Variants in CHSY3 observed in about 807,000 individuals in gnomAD.
CHSY3 encodes the protein chondroitin sulfate synthase 3.
Under a neutral mutation model 67.2 loss-of-function variants are expected in CHSY3, and 35 were observed. The ratio of observed to expected loss-of-function variants is 0.52; its 90% CI spans 0.40 to 0.69. The LOEUF (loss-of-function observed/expected upper bound fraction) is 0.69. Ranked by LOEUF, CHSY3 falls within the 30% of genes least tolerant of loss-of-function variation. The pLI is 0.00. For synonymous variants in CHSY3, 474 were observed against 434.7 expected (o/e 1.09, Z -1.12); for missense variants, 1,069 against 1,138.5 (o/e 0.94, Z 0.88).
Position 129,906,884 on chromosome 5 carries a change from T to G in CHSY3, c.803-1193T>G, listed in dbSNP as rs376539255. 8.4e-4 allele frequency among the ~76,000 whole-genome samples: 94 copies of G among 111,520 alleles called. 2 individuals are homozygous for G. The East Asian group carries it at 0.02, about 23-fold the overall frequency. The allele number at this position is 111,520 out of a possible 152,430, so 73.2% of individuals were successfully genotyped here. ...ACAATAAACCCAAACTGTTGCATTT[T>G]GGCACAAGGAATTAGTGTAATCATA... On this transcript the variant is annotated intron_variant, in intron 1 of 2. Coordinates refer to ENST00000305031, the MANE Select transcript of CHSY3 (RefSeq NM_175856.5).
intron 2 of CHSY3, among the ~76,000 whole-genome samples, chr5:130,002,639 T>C (rs1262151592): frequency 6.6e-6 from 1 of 152,168 alleles, no homozygotes; most frequent in Admixed American, 6.5e-5. Flanking sequence ...TAAAGAGACA[T>C]AGAAGCTAGA....
chr5:130,105,172 C>T (rs1767375536), intron 2 of CHSY3, among the ~76,000 whole-genome samples: 1 of 151,618 alleles, frequency 6.6e-6, no homozygotes, highest in Admixed American at 6.6e-5. Context: ...CAATACAGCC[C>T]TGTGCACATC....
intron 2 of CHSY3, among the ~76,000 whole-genome samples, chr5:129,971,787 A>G (rs1265171116): frequency 6.6e-6 from 1 of 151,998 alleles, no homozygotes; most frequent in East Asian, 1.9e-4. Flanking sequence ...CCAATCAGCA[A>G]GCATTTATAG....
chr5:129,960,714 A>G (rs1249550902), intron 2 of CHSY3, among the ~76,000 whole-genome samples: 1 of 152,034 alleles, frequency 6.6e-6, no homozygotes, highest in Non-Finnish European at 1.5e-5. Context: ...TTTATGTATG[A>G]AATATTTTTT....
chr5:130,001,453 C>A, intron 2 of CHSY3: 1 of 889,536 alleles, frequency 1.1e-6, no homozygotes, highest in Non-Finnish European at 1.3e-6. Flanking sequence ...ACCATGGACA[C>A]AGTAGGCTTT....
At chr5:130,143,740 A>G (rs911760701) in intron 2 of CHSY3, among the ~76,000 whole-genome samples, 2 of 118,356 alleles carry the variant, frequency 1.7e-5, no homozygotes, top group Non-Finnish European at 1.6e-5. Flanking sequence ...GTGTGTATAT[A>G]TATATATATA....
At chr5:129,954,131 T>G (rs917732891) in intron 2 of CHSY3, among the ~76,000 whole-genome samples, 4 of 152,196 alleles carry the variant, frequency 2.6e-5, no homozygotes, top group Non-Finnish European at 4.4e-5. Flanking sequence ...TTTAAGTCTT[T>G]AATCCATCTT....
chr5:130,000,608 T>C (rs561023225), intron 2 of CHSY3, among the ~76,000 whole-genome samples: 1 of 148,866 alleles, frequency 6.7e-6, no homozygotes, highest in African/African-American at 2.5e-5. Context: ...TTTTTTTTTC[T>C]GTCACCCAGG....
At chr5:130,060,897 G>A (rs1468567391) in intron 2 of CHSY3, among the ~76,000 whole-genome samples, 3 of 151,800 alleles carry the variant, frequency 2.0e-5, no homozygotes, top group African/African-American at 7.3e-5. Flanking sequence ...AACAAACACT[G>A]ATGAAAGAAA....
chr5:129,924,676 T>A (rs2149585233), intron 2 of CHSY3, among the ~76,000 whole-genome samples: 1 of 151,972 alleles, frequency 6.6e-6, no homozygotes, highest in South Asian at 2.1e-4. Flanking sequence ...ATTAACTTTC[T>A]GTAGTTATTC....
At chr5:130,178,695 G>A (rs959338455) in intron 2 of CHSY3, among the ~76,000 whole-genome samples, 1 of 152,098 alleles carries the variant, frequency 6.6e-6, no homozygotes, top group Non-Finnish European at 1.5e-5. Flanking sequence ...TCAAGATTGA[G>A]CATAAGGGAT....
chr5:129,998,589 A>G (rs982636570), intron 2 of CHSY3, among the ~76,000 whole-genome samples: 2 of 152,172 alleles, frequency 1.3e-5, no homozygotes, highest in African/African-American at 4.8e-5. Context: ...TCAAATTTAT[A>G]CTACTGAGAA....
chr5:130,105,561 A>C (rs554897634), intron 2 of CHSY3, among the ~76,000 whole-genome samples: 1 of 151,858 alleles, frequency 6.6e-6, no homozygotes, highest in East Asian at 1.9e-4. Flanking sequence ...GCCCTGTTTC[A>C]TTCTGGAAAT....
At chr5:130,107,516 CTTATA>C (rs1335610752) in intron 2 of CHSY3, among the ~76,000 whole-genome samples, 3 of 151,254 alleles carry the variant, frequency 2.0e-5, no homozygotes, top group Admixed American at 1.3e-4. Context: ...GGAAATGGTA[CTTATA>C]TTAAAATAAA....
At chr5:130,039,129 G>A (rs1764938258) in intron 2 of CHSY3, among the ~76,000 whole-genome samples, 1 of 152,014 alleles carries the variant, frequency 6.6e-6, no homozygotes, top group Non-Finnish European at 1.5e-5. Flanking sequence ...CACAGAACAG[G>A]GAGTTCATTG....
At chr5:130,125,354 C>G (rs1212422845) in intron 2 of CHSY3, among the ~76,000 whole-genome samples, 2 of 151,978 alleles carry the variant, frequency 1.3e-5, no homozygotes, top group Non-Finnish European at 2.9e-5. Context: ...GAAATTGAGG[C>G]TGCAGCGAGC....
chr5:130,174,942 G>A (rs1422668015), intron 2 of CHSY3, among the ~76,000 whole-genome samples: 2 of 152,080 alleles, frequency 1.3e-5, no homozygotes, highest in African/African-American at 4.8e-5. Context: ...ATTACAATGA[G>A]ACATACATGG....
intron 2 of CHSY3, among the ~76,000 whole-genome samples, chr5:129,928,404 A>T (rs2092922189): frequency 6.6e-6 from 1 of 152,048 alleles, no homozygotes; most frequent in African/African-American, 2.4e-5. Context: ...TAATGCTGGC[A>T]TCATTTTGTA....
intron 2 of CHSY3, among the ~76,000 whole-genome samples, chr5:130,157,673 G>C (rs1045180395): frequency 2.0e-5 from 3 of 152,198 alleles, no homozygotes; most frequent in Admixed American, 1.3e-4. Context: ...CCCAAAAGAG[G>C]GTTCCTGGAT....
Sources: gnomAD v4.1 joint callset for allele counts (sites outside exome capture counted in the v4.1 genomes callset) on GRCh38, gnomAD v4.1.1 for gene constraint, MANE v1.5 for transcripts, NCBI Gene and HGNC (gene_info 2026-07-23, HGNC 2026-07-21) for gene names.